The following ITGAE variants were observed in gnomAD, a reference collection of about 807,000 sequenced individuals.
The protein encoded by ITGAE is integrin alpha-E.
ITGAE carries 99 observed loss-of-function variants against 136.5 expected under a neutral mutation model. That is an observed-to-expected ratio of 0.73 (90% confidence interval 0.62 to 0.86). The LOEUF is 0.86. Ranked by LOEUF, ITGAE falls within the 40% of genes least tolerant of loss-of-function variation. The probability of loss-of-function intolerance (pLI) is 0.00; values close to 1 mark genes in which losing one functional copy is unlikely to be tolerated. For missense variants in ITGAE, 1,447 were observed against 1,515.3 expected (o/e 0.95, Z 0.75); for synonymous variants, 613 against 591.8 (o/e 1.04, Z -0.52).
chr17:3,790,336 A>C (rs990330473), intron 1 of ITGAE, among the ~76,000 whole-genome samples: 1 of 152,076 alleles, frequency 6.6e-6, no homozygotes, highest in Non-Finnish European at 1.5e-5. Flanking sequence ...GTGAAACCCT[A>C]TCTCTACTAA....
At chr17:3,770,559 T>C (rs1442591802) in intron 2 of ITGAE, among the ~76,000 whole-genome samples, 4 of 152,118 alleles carry the variant, frequency 2.6e-5, no homozygotes, top group Non-Finnish European at 5.9e-5. Flanking sequence ...CACACGTCAT[T>C]CTCAAGCAGG....
At chr17:3,744,980 G>C (rs1375089018) in intron 18 of ITGAE, among the ~76,000 whole-genome samples, 1 of 152,118 alleles carries the variant, frequency 6.6e-6, no homozygotes, top group Non-Finnish European at 1.5e-5. Context: ...AATCACTTTG[G>C]GGGTAAATGT....
At chr17:3,751,599 G>T in intron 15 of ITGAE, 51 bp downstream of exon 15, 1 of 1,535,452 alleles carries the variant, frequency 6.5e-7, no homozygotes, top group South Asian at 1.1e-5. Flanking sequence ...CATCATATCT[G>T]AGAGAGGTCA....
At chr17:3,785,361 T>C (rs1417666727) in intron 1 of ITGAE, among the ~76,000 whole-genome samples, 2 of 151,030 alleles carry the variant, frequency 1.3e-5, no homozygotes, top group Non-Finnish European at 2.9e-5. Flanking sequence ...CCCAACCACT[T>C]GGGAGGCTGA....
chr17:3,796,109 C>CTGTGTG (rs757595992), intron 1 of ITGAE, among the ~76,000 whole-genome samples: 4 of 128,392 alleles, frequency 3.1e-5, no homozygotes, highest in African/African-American at 1.2e-4. Context: ...GTGTGCATCC[C>CTGTGTG]TGTGTGCATC....
chr17:3,784,552 G>A (rs1023314585), intron 1 of ITGAE, among the ~76,000 whole-genome samples: 19 of 151,772 alleles, frequency 1.3e-4, no homozygotes, highest in African/African-American at 4.4e-4. Flanking sequence ...GCGCCACCAT[G>A]CCCGCCTAAT....
chr17:3,734,806 G>A lies in ITGAE; in HGVS notation c.2655+11C>T, dbSNP rs541617514. 33 of 1,613,956 alleles carry A rather than the reference G, an allele frequency of 2.0e-5. 1 individual carries two copies. Among genetic ancestry groups the A allele is most frequent in the Admixed American group, 8.3e-5 (5 of 60,000 alleles). On this transcript the variant is annotated intron_variant, in intron 21 of 30. Transcript: ENST00000263087. ...TGAGGGACCTGTTTCCACAGCCACC[G>A]TCACAGTCACCTTTTGCATCCTCTT...
chr17:3,777,851 C>T (rs1009063763), intron 1 of ITGAE, among the ~76,000 whole-genome samples, 191 bp from the exon 2 acceptor site: 9 of 152,134 alleles, frequency 5.9e-5, no homozygotes, highest in African/African-American at 2.2e-4. Flanking sequence ...TCCTACTAAA[C>T]CAAGCTGTAC....
At chr17:3,796,211 A>G (rs1434112960) in intron 1 of ITGAE, among the ~76,000 whole-genome samples, 1 of 109,190 alleles carries the variant, frequency 9.2e-6, no homozygotes, top group African/African-American at 3.2e-5. Flanking sequence ...AGTTCGCTGT[A>G]TTTGCTGGGC....
At position 3,726,555 on chromosome 17, in the gene ITGAE, C is replaced by T. The variant is rs934099190; in HGVS notation, c.3084+1364G>A. On this transcript the variant is annotated intron_variant, in intron 26 of 30. Transcript: ENST00000263087. Reference sequence around the variant, plus strand: ...CTGAAAGAAGTAAACTAGCCGGGCACAGTGGCGTGCGCCTGTAGTCCCAGC... The same window carrying T: ...CTGAAAGAAGTAAACTAGCCGGGCATAGTGGCGTGCGCCTGTAGTCCCAGC... 1.9e-5 allele frequency: 10 copies of T among 521,302 alleles called. No homozygotes were observed. In the East Asian group the frequency reaches 2.9e-4, roughly 15 times the overall value. The allele number at this position is 521,302 out of a possible 1,614,324, so 32.3% of individuals were successfully genotyped here.
rs191554377 is a variant in ITGAE, at chr17:3,753,766, C to T, written c.1527+17G>A. 1.2e-6 allele frequency: 2 copies of T among 1,613,882 alleles called. No individual in the cohort carries two copies. Among genetic ancestry groups the T allele is most frequent in the Admixed American group, 3.3e-5 (2 of 60,026 alleles). On this transcript the variant is annotated intron_variant, in intron 13 of 30. Transcript: ENST00000263087. The stretch of plus-strand genomic sequence containing the variant: ...CCCCATCGGTCATAAGGGGTGGAGG[C>T]TTTCCCCAGCAGGTACCTGCTCTCC...
intron 29 of ITGAE, 70 bp from the exon 30 acceptor site, chr17:3,716,868 T>A (rs914354795): frequency 1.1e-6 from 1 of 875,290 alleles, no homozygotes; most frequent in African/African-American, 1.7e-5. Context: ...ACATGTTATT[T>A]TAAGGAGCAA....
intron 19 of ITGAE, among the ~76,000 whole-genome samples, chr17:3,741,484 C>G (rs1002053707): frequency 6.6e-6 from 1 of 152,132 alleles, no homozygotes; most frequent in African/African-American, 2.4e-5. Context: ...CCAGCCAGAA[C>G]GCACTCTCTG....
At chr17:3,740,162 G>A (rs972322016) in intron 19 of ITGAE, among the ~76,000 whole-genome samples, 1 of 152,220 alleles carries the variant, frequency 6.6e-6, no homozygotes, top group Non-Finnish European at 1.5e-5. Context: ...TGTTAGGGGT[G>A]CCCATGACAT....
chr17:3,781,622 G>A (rs2052669631), intron 1 of ITGAE, among the ~76,000 whole-genome samples: 2 of 152,312 alleles, frequency 1.3e-5, no homozygotes, highest in African/African-American at 4.8e-5. Flanking sequence ...CTCCCAAAGT[G>A]CTGGGATTAC....
intron 1 of ITGAE, among the ~76,000 whole-genome samples, chr17:3,783,852 T>A (rs2052718259): frequency 2.6e-5 from 4 of 152,238 alleles, no homozygotes; most frequent in Non-Finnish European, 1.5e-5. Context: ...ATTTATCCAA[T>A]AACATCATTT....
chr17:3,715,225 T>C (rs1389242546), intron 30 of ITGAE, among the ~76,000 whole-genome samples: 1 of 152,260 alleles, frequency 6.6e-6, no homozygotes, highest in East Asian at 1.9e-4. Context: ...TAATTTCGGC[T>C]GTACTGGATC....
In ITGAE at chr17:3,786,124, G is replaced by A. The variant is rs1231419917; in HGVS notation, c.35-8464C>T. ...GGAGCTTGCAGTGAGCCGAGATCGCGCCACTGCACTCCAGCCTGGGTGACA... is the reference window on the plus strand; with the variant it reads ...GGAGCTTGCAGTGAGCCGAGATCGCACCACTGCACTCCAGCCTGGGTGACA... On this transcript the variant is annotated intron_variant, in intron 1 of 30. Coordinates refer to ENST00000263087, the MANE Select transcript of ITGAE (RefSeq NM_002208.5). Among the ~76,000 whole-genome samples, 11 of 144,242 alleles carry A rather than the reference G, an allele frequency of 7.6e-5. No individual in the cohort carries two copies. In the East Asian group the frequency reaches 8.1e-4, roughly 11 times the overall value. The allele number at this position is 144,242 out of a possible 152,430, so 94.6% of individuals were successfully genotyped here.
chr17:3,754,056 TCTCA>T (rs1332966558), intron 12 of ITGAE, 131 bp from the exon 13 acceptor site: 1 of 1,006,984 alleles, frequency 9.9e-7, no homozygotes, highest in Non-Finnish European at 1.4e-6. Context: ...AGACTGTCTT[TCTCA>T]CTATGTTAAA....
Sources: allele counts gnomAD v4.1 joint callset (sites outside exome capture counted in the v4.1 genomes callset), GRCh38; gene constraint gnomAD v4.1.1; transcripts MANE v1.5; gene names NCBI Gene and HGNC (gene_info 2026-07-23, HGNC 2026-07-21).